SULT2B1: variants seen among roughly 807,000 people sequenced by gnomAD.
The protein encoded by SULT2B1 is sulfotransferase 2B1.
A neutral mutation model predicts 33.2 loss-of-function variants in SULT2B1; 16 were observed. The ratio of observed to expected loss-of-function variants is 0.48; its 90% CI spans 0.33 to 0.73. The LOEUF is 0.73. Ranked by LOEUF, SULT2B1 falls within the 30% of genes least tolerant of loss-of-function variation. The probability of loss-of-function intolerance (pLI) is 0.02; values close to 1 mark genes in which losing one functional copy is unlikely to be tolerated. For missense variants in SULT2B1, 500 were observed against 506.0 expected, an observed-to-expected ratio of 0.99 and a Z score of 0.11; for synonymous variants, 186 against 200.5, an observed-to-expected ratio of 0.93 and a Z score of 0.61.
chr19:48,563,959 C>CAAA (rs35211958), intron 1 of SULT2B1, among the ~76,000 whole-genome samples: 19 of 117,324 alleles, frequency 1.6e-4, no homozygotes, highest in African/African-American at 4.8e-4. Context: ...GACTTCCTCT[C>CAAA]AAAAAAAAAA....
intron 2 of SULT2B1, among the ~76,000 whole-genome samples, chr19:48,584,939 CT>C (rs1973542767): frequency 6.7e-6 from 1 of 149,616 alleles, no homozygotes; most frequent in African/African-American, 2.5e-5. Flanking sequence ...GTCCCAGCTA[CT>C]TGGGAGGCTG....
intron 2 of SULT2B1, among the ~76,000 whole-genome samples, chr19:48,584,104 C>A (rs1289851600): frequency 2.6e-5 from 4 of 152,130 alleles, no homozygotes; most frequent in African/African-American, 9.7e-5. Flanking sequence ...CAGCAAGACT[C>A]CGTCTCAAAC....
chr19:48,587,599 G>C (rs957543861), intron 3 of SULT2B1, among the ~76,000 whole-genome samples, 162 bp downstream of exon 3: 10 of 152,094 alleles, frequency 6.6e-5, no homozygotes, highest in African/African-American at 2.4e-4. Flanking sequence ...ACACAGAAAT[G>C]CCTGCCCTTT....
chr19:48,577,028 A>ATTT lies in SULT2B1; in HGVS notation c.214+968_214+970dup, dbSNP rs71179012. The stretch of plus-strand genomic sequence containing the variant: ...TGGGCAAAATGGCAAACCCCCCTCT[A>ATTT]TTTTTTTTTTTTTTTTTTTTTTTTT... On this transcript the variant is annotated intron_variant, in intron 2 of 6. Transcript: ENST00000201586. 6.3e-3 allele frequency among the ~76,000 whole-genome samples: 585 copies of ATTT among 92,926 alleles called. 5 individuals carry two copies. Among genetic ancestry groups the ATTT allele is most frequent in the Admixed American group, 7.2e-3 (47 of 6,514 alleles). The allele number at this position is 92,926 out of a possible 152,430, so 61.0% of individuals were successfully genotyped here.
At chr19:48,598,624 TG>T (rs1973755245) in intron 6 of SULT2B1, among the ~76,000 whole-genome samples, 1 of 152,038 alleles carries the variant, frequency 6.6e-6, no homozygotes, top group Non-Finnish European at 1.5e-5. Context: ...GGAGGGTTCC[TG>T]AGGCTCGCTT....
intron 2 of SULT2B1, among the ~76,000 whole-genome samples, chr19:48,576,640 CTTTT>C (rs71335805): frequency 0.44 from 50,873 of 115,882 alleles, 10,390 homozygotes; most frequent in South Asian, 0.53. Flanking sequence ...AAATTGTATA[CTTTT>C]TTTTTTTTTT....
At chr19:48,585,948 G>A (rs73053558) in intron 2 of SULT2B1, among the ~76,000 whole-genome samples, 26,700 of 152,050 alleles carry the variant, frequency 0.18, 2,582 homozygotes, top group East Asian at 0.43. Flanking sequence ...TGCCTGCTGG[G>A]CATGATGCCT....
Position 48,577,596 on chromosome 19 carries a change from C to T in SULT2B1, c.214+1513C>T, listed in dbSNP as rs1006045853. ...GGCCAGGATGGTCTTGATCTCTTGA[C>T]CTCTTGATCTGCCCACCTCGGCCTC... is the stretch of plus-strand genomic sequence containing the variant. On this transcript the variant is annotated intron_variant, in intron 2 of 6. Transcript: ENST00000201586. Among the ~76,000 whole-genome samples, 27 of 151,770 alleles carry T rather than the reference C, an allele frequency of 1.8e-4. 2 individuals carry two copies. The highest frequency in any genetic ancestry group is 1.6e-3 in the Admixed American group (24 of 15,172).
intron 5 of SULT2B1, chr19:48,596,454 G>A (rs1410196950): frequency 3.8e-5 from 8 of 210,734 alleles, no homozygotes; most frequent in Non-Finnish European, 6.1e-5. Context: ...CTCTGCCCCC[G>A]GCTGTGACCT....
At chr19:48,594,413 C>T (rs1463026415) in intron 5 of SULT2B1, among the ~76,000 whole-genome samples, 1 of 152,124 alleles carries the variant, frequency 6.6e-6, no homozygotes, top group African/African-American at 2.4e-5. Context: ...CTGCAGACTC[C>T]ATGTTTATTT....
intron 2 of SULT2B1, 112 bp downstream of exon 2, chr19:48,576,195 T>A: frequency 1.0e-6 from 1 of 980,868 alleles, no homozygotes; most frequent in Non-Finnish European, 1.5e-6. Flanking sequence ...GGGCCGGGTC[T>A]GTTCAGAGCG....
At chr19:48,580,100 C>CT (rs35197699) in intron 2 of SULT2B1, among the ~76,000 whole-genome samples, 73,525 of 142,096 alleles carry the variant, frequency 0.52, 18,901 homozygotes, top group South Asian at 0.63. Flanking sequence ...ATTAAAAAAA[C>CT]TTTTTTTTTT....
intron 1 of SULT2B1, among the ~76,000 whole-genome samples, chr19:48,564,551 C>CAAAAAAAAAAAAA (rs770217698): frequency 3.8e-3 from 218 of 57,548 alleles, no homozygotes; most frequent in Non-Finnish European, 4.7e-3. Flanking sequence ...GACTCCGTCT[C>CAAAAAAAAAAAAA]AAAAAAAAAA....
intron 5 of SULT2B1, 59 bp downstream of exon 5, chr19:48,592,875 C>T (rs977140786): frequency 2.7e-5 from 39 of 1,434,052 alleles, no homozygotes; most frequent in Non-Finnish European, 3.6e-5. Flanking sequence ...TCACACCCCA[C>T]ACTCTCCCCT....
At chr19:48,583,491 T>G (rs1973521229) in intron 2 of SULT2B1, among the ~76,000 whole-genome samples, 2 of 152,196 alleles carry the variant, frequency 1.3e-5, no homozygotes, top group Admixed American at 1.3e-4. Context: ...TTATGCTATA[T>G]TCATACAATG....
At chr19:48,577,352 CTT>C (rs1209521675) in intron 2 of SULT2B1, among the ~76,000 whole-genome samples, 73 of 30,630 alleles carry the variant, frequency 2.4e-3, no homozygotes, top group African/African-American at 8.6e-3. Context: ...ACTGAGCCGT[CTT>C]TTTTTTTTTT....
rs561441858 is a variant in SULT2B1 at position 48,572,446 on chromosome 19, G to C, written c.72-3495G>C. ...GAGAATAGCTTGAACCCAGGAAGGC[G>C]GAGGTTGCAGTGAGCTGAGATCACA... On this transcript the variant is annotated intron_variant, in intron 1 of 6. Transcript: ENST00000201586. Among the ~76,000 whole-genome samples the C allele has an allele frequency of 2.6e-5, 4 of 152,214 alleles. No individual in the cohort carries two copies. The East Asian group carries it at 7.7e-4, about 29-fold the overall frequency.
At chr19:48,563,785 C>T (rs1973209285) in intron 1 of SULT2B1, among the ~76,000 whole-genome samples, 3 of 151,716 alleles carry the variant, frequency 2.0e-5, no homozygotes. Flanking sequence ...ACCAACATGG[C>T]GAAACCGCAT....
chr19:48,588,819 A>G (rs1227982622), intron 3 of SULT2B1, among the ~76,000 whole-genome samples: 4 of 151,942 alleles, frequency 2.6e-5, no homozygotes, highest in African/African-American at 4.8e-5. Context: ...GGCAAGAGGG[A>G]AAAGCAGGTG....
Sources: allele counts gnomAD v4.1 joint callset (sites outside exome capture counted in the v4.1 genomes callset), GRCh38; gene constraint gnomAD v4.1.1; transcripts MANE v1.5; gene names NCBI Gene and HGNC (gene_info 2026-07-23, HGNC 2026-07-21).